DMPK: variants seen among roughly 807,000 people sequenced by gnomAD.
The protein encoded by DMPK is DM1 protein kinase, also known as myotonin-protein kinase.
In DMPK, 32 loss-of-function variants were observed where a neutral mutation model predicts 70.3. That is an observed-to-expected ratio of 0.46 (90% CI 0.34 to 0.61). DMPK has a LOEUF of 0.61. DMPK is among the 20% of genes least tolerant of loss of function. The pLI, the probability that DMPK is intolerant of heterozygous loss-of-function variation, is 0.01. For synonymous variants in DMPK, 469 were observed against 390.9 expected (o/e 1.20, Z -2.36); for missense variants, 899 against 886.0 (o/e 1.01, Z -0.19).
chr19:45,774,262 CTTTT>C (rs34551308), intron 9 of DMPK, among the ~76,000 whole-genome samples: 1 of 122,094 alleles, frequency 8.2e-6, no homozygotes, highest in African/African-American at 3.2e-5. Flanking sequence ...TAAATAAATA[CTTTT>C]TTTTTTTTTT....
intron 1 of DMPK, among the ~76,000 whole-genome samples, chr19:45,781,631 G>A (rs757304220): frequency 3.9e-5 from 6 of 152,220 alleles, no homozygotes; most frequent in Non-Finnish European, 7.4e-5. Context: ...GGCACTGGTG[G>A]CGCCTGTCTG....
In DMPK at chr19:45,775,916, G is replaced by A. The variant is rs1450504637; in HGVS notation, c.1147-882C>T. On this transcript the variant is annotated intron_variant, in intron 8 of 14. Transcript: ENST00000291270. ...GCTCACTGCAAACTCTGCCTCCCAGGTTCAAGCAATTCTCCTGCCTCAGCT... is the reference window on the plus strand; with the variant it reads ...GCTCACTGCAAACTCTGCCTCCCAGATTCAAGCAATTCTCCTGCCTCAGCT... Among the ~76,000 whole-genome samples, 2 of 98,480 alleles carry A rather than the reference G, an allele frequency of 2.0e-5. 1 individual carries two copies. The highest frequency in any genetic ancestry group is 4.3e-5 in the Non-Finnish European group (2 of 46,898). 64.6% of individuals were successfully genotyped at this position (98,480 alleles called of 152,430 possible).
intron 8 of DMPK, 60 bp from the exon 9 acceptor site, chr19:45,775,094 G>T: frequency 7.3e-7 from 1 of 1,377,446 alleles, no homozygotes; most frequent in Non-Finnish European, 1.0e-6. Context: ...ACTGCTTTTT[G>T]ATCTTGGCTT....
Position 45,778,180 on chromosome 19 carries a change from G to A in DMPK, c.622C>T (p.His208Tyr), listed in dbSNP as rs745842483. The A allele has an allele frequency of 3.7e-6, 6 of 1,613,714 alleles. No individual in the cohort carries two copies. Among genetic ancestry groups the A allele is most frequent in the Non-Finnish European group, 8.5e-7 (1 of 1,179,950 alleles). The change falls in exon 6 of 15, where the codon CAC (histidine) becomes TAC (tyrosine). Residue 208 changes from histidine to tyrosine, a missense_variant. By Grantham distance (83) the His-to-Tyr change is moderately conservative. This residue lies in a region of DMPK where 195 missense variants were observed against 259.7 expected (regional missense o/e 0.75). Transcript: ENST00000291270. ...GAGCCGAAGTCGGCCAGGCGGATGT[G>A]GCCACAGCGGTCCAGCAGGATGTTG... ...PDNILLDRCGHIRLADFGSCL... is the reference protein window; with the variant it reads ...PDNILLDRCGYIRLADFGSCL...
At chr19:45,771,466 G>A in intron 12 of DMPK, 70 bp from the exon 13 acceptor site, 2 of 1,609,916 alleles carry the variant, frequency 1.2e-6, no homozygotes, top group East Asian at 2.2e-5. Flanking sequence ...GCGTGCCCCA[G>A]CGTGGGTCCC....
rs993492384 is a variant in DMPK at position 45,782,421 on chromosome 19, C to A, written c.-69G>T. On this transcript the variant is annotated 5_prime_UTR_variant, in exon 1 of 15. Transcript: ENST00000291270. Reference sequence around the variant, plus strand: ...GGGGTCCTCCTGTCACAGGGCCTGGCAGCCCCTGTCCAGGCCCTGGAGCCC... The same window carrying A: ...GGGGTCCTCCTGTCACAGGGCCTGGAAGCCCCTGTCCAGGCCCTGGAGCCC... 1.4e-6 allele frequency: 2 copies of A among 1,448,596 alleles called. No individual in the cohort carries two copies. Among genetic ancestry groups the A allele is most frequent in the South Asian group, 1.4e-5 (1 of 72,330 alleles). The allele number at this position is 1,448,596 out of a possible 1,614,324, so 89.7% of individuals were successfully genotyped here.
In DMPK at chr19:45,770,605, C is replaced by T. The variant is rs1400955158; in HGVS notation, c.1773G>A (p.Leu591=). The part of the protein sequence containing the change: ...PRPGLSEALS[L]LLFAVVLSRA... Reference sequence around the variant, plus strand: ...GAGACAGAACAACGGCGAACAGGAGCAGGGAAAGCGCCTCCGATAGGCCAG... The same window carrying T: ...GAGACAGAACAACGGCGAACAGGAGTAGGGAAAGCGCCTCCGATAGGCCAG... Residue 591 remains leucine (L), a synonymous_variant, in exon 15 of 15, where the codon CTG becomes CTA. Coordinates refer to ENST00000291270, the MANE Select transcript of DMPK (RefSeq NM_004409.5). The T allele has an allele frequency of 5.2e-6, 8 of 1,552,860 alleles. No homozygotes were observed. Among genetic ancestry groups the T allele is most frequent in the Non-Finnish European group, 6.1e-6 (7 of 1,148,354 alleles).
Position 45,776,051 on chromosome 19 carries a change from T to C in DMPK, c.1147-1017A>G, listed in dbSNP as rs1393826609. ...TTGGCCAGCCTAGTCTCAAAACTCCTGATCTCATGACCCACCGGCCTTGGA... is the reference window on the plus strand; with the variant it reads ...TTGGCCAGCCTAGTCTCAAAACTCCCGATCTCATGACCCACCGGCCTTGGA... On this transcript the variant is annotated intron_variant, in intron 8 of 14. Coordinates refer to ENST00000291270, the MANE Select transcript of DMPK (RefSeq NM_004409.5). Among the ~76,000 whole-genome samples, 2 of 107,916 alleles carry C rather than the reference T, an allele frequency of 1.9e-5. 1 individual carries two copies. Among genetic ancestry groups the C allele is most frequent in the Non-Finnish European group, 4.0e-5 (2 of 50,370 alleles). 70.8% of individuals were successfully genotyped at this position (107,916 alleles called of 152,430 possible). A position where few individuals can be genotyped will look rare whatever the true frequency, so the allele number is the denominator to read the frequency against.
chr19:45,782,109 C>CA, intron 1 of DMPK, 84 bp downstream of exon 1: 2 of 878,260 alleles, frequency 2.3e-6, no homozygotes, highest in South Asian at 4.1e-5. Flanking sequence ...ATCCTGCCCC[C>CA]CCAACAGCCA....
intron 8 of DMPK, among the ~76,000 whole-genome samples, chr19:45,776,431 C>T (rs1463343129): frequency 1.3e-5 from 2 of 151,868 alleles, no homozygotes; most frequent in Non-Finnish European, 2.9e-5. Context: ...GCGTGAGCCA[C>T]CACGCCCGGC....
Position 45,782,178 on chromosome 19 carries a change from A to G in DMPK, c.160+15T>C. On this transcript the variant is annotated intron_variant, in intron 1 of 14. Coordinates refer to ENST00000291270, the MANE Select transcript of DMPK (RefSeq NM_004409.5). ...CCCCACCCCATCTGCAGGAGCCCCG[A>G]GGGTAGGCACTCACCCCACTGCAAG... 2 of 902,788 alleles carry G rather than the reference A, an allele frequency of 2.2e-6. No homozygotes were observed. Among genetic ancestry groups the G allele is most frequent in the Non-Finnish European group, 2.8e-6 (2 of 707,874 alleles). 55.9% of individuals were successfully genotyped at this position (902,788 alleles called of 1,614,324 possible). A position where few individuals can be genotyped will look rare whatever the true frequency, so the allele number is the denominator to read the frequency against.
At position 45,770,566 on chromosome 19, in the gene DMPK, C is replaced by G; in HGVS notation, c.1812G>C (p.Leu604=). The G allele has an allele frequency of 6.4e-7, 1 of 1,551,454 alleles. No individual in the cohort carries two copies. The highest frequency in any genetic ancestry group is 8.7e-7 in the Non-Finnish European group (1 of 1,147,288). Residue 604 remains leucine, a synonymous_variant, in exon 15 of 15, where the codon CTG becomes CTC. Transcript: ENST00000291270. ...FAVVLSRAAA[L]GCIGLVAHAG... ...CGTGGGCCACCAACCCAATGCAGCC[C>G]AGGGCGGCGGCACGAGACAGAACAA...
At chr19:45,780,341 G>C (rs1315299973) in intron 1 of DMPK, 2 of 1,538,456 alleles carry the variant, frequency 1.3e-6, no homozygotes, top group Non-Finnish European at 8.8e-7. Flanking sequence ...TCAGATGCAG[G>C]TGGTTCTTGA....
intron 1 of DMPK, chr19:45,780,663 A>G: frequency 1.1e-6 from 1 of 933,600 alleles, no homozygotes; most frequent in Non-Finnish European, 1.3e-6. Flanking sequence ...TGGAGGCAGG[A>G]TGGAGAGAGG....
rs961998295 is a variant in DMPK, at chr19:45,782,284, C to A, written c.69G>T (p.Glu23Asp). 1 of 1,602,238 alleles carries A rather than the reference C, an allele frequency of 6.2e-7. No individual in the cohort carries two copies. ...CGCCCAGGAGAAGGTCGAGCAGGGGCTCCAGCCCCAGGAAGCCCGGGTCCA... is the reference window on the plus strand; with the variant it reads ...CGCCCAGGAGAAGGTCGAGCAGGGGATCCAGCCCCAGGAAGCCCGGGTCCA... Reference protein sequence around the residue: ...LVLDPGFLGLEPLLDLLLGVH... With the variant: ...LVLDPGFLGLDPLLDLLLGVH... The change falls in exon 1 of 15, where the codon GAG (glutamate) becomes GAT (aspartate). Residue 23 changes from glutamate to aspartate, a missense_variant. Coordinates refer to ENST00000291270, the MANE Select transcript of DMPK (RefSeq NM_004409.5).
rs909394436 is a variant in DMPK at position 45,777,217 on chromosome 19, T to C, written c.1146+110A>G. The C allele has an allele frequency of 7.8e-6, 11 of 1,405,160 alleles. No individual in the cohort carries two copies. Among genetic ancestry groups the C allele is most frequent in the Non-Finnish European group, 1.0e-5 (11 of 1,068,420 alleles). The allele number at this position is 1,405,160 out of a possible 1,614,324, so 87.0% of individuals were successfully genotyped here. On this transcript the variant is annotated intron_variant, in intron 8 of 14. Coordinates refer to ENST00000291270, the MANE Select transcript of DMPK (RefSeq NM_004409.5). The surrounding 1 kb of genome is among the most constrained non-coding windows in gnomAD (Gnocchi z 6.7). The stretch of plus-strand genomic sequence containing the variant: ...GTAGATGGGCACAGAGCAGGTGCTC[T>C]GGGGAATGAGTGATTCAGGACCCCA...
Position 45,770,632 on chromosome 19 carries a change from C to A in DMPK, c.1746G>T (p.Arg582Ser), listed in dbSNP as rs1250841578. The A allele has an allele frequency of 4.5e-6, 7 of 1,551,882 alleles. No homozygotes were observed. The highest frequency in any genetic ancestry group is 3.3e-4 in the Middle Eastern group (2 of 5,992). Reference sequence around the variant, plus strand: ...GGGAAAGCGCCTCCGATAGGCCAGGCCTAGGGACCTGCGGGGAGAGGGCGA... The same window carrying A: ...GGGAAAGCGCCTCCGATAGGCCAGGACTAGGGACCTGCGGGGAGAGGGCGA... ...RHLLLPARVP[R>S]PGLSEALSLL... is the part of the protein sequence containing the mutation. Residue 582 changes from arginine (R) to serine (S), a missense_variant, in exon 15 of 15, where the codon AGG becomes AGT. Coordinates refer to ENST00000291270, the MANE Select transcript of DMPK (RefSeq NM_004409.5).
At chr19:45,771,194 A>G (rs758623460) in intron 13 of DMPK, 134 bp from the exon 14 acceptor site, 15 of 1,207,084 alleles carry the variant, frequency 1.2e-5, no homozygotes, top group Non-Finnish European at 1.6e-5. Flanking sequence ...TGAGGCCTGA[A>G]CGGAGGGAGA....
intron 1 of DMPK, among the ~76,000 whole-genome samples, chr19:45,781,452 G>A: frequency 6.6e-6 from 1 of 151,794 alleles, no homozygotes; most frequent in East Asian, 1.9e-4. Context: ...CCTGGGCCAG[G>A]AGAACTAAAG....
Sources: gnomAD v4.1 joint callset for allele counts (sites outside exome capture counted in the v4.1 genomes callset) on GRCh38, gnomAD v4.1.1 for gene constraint, gnomAD v4.1.1 regional missense constraint, Gnocchi (gnomAD v3.1) non-coding constraint, MANE v1.5 for transcripts, NCBI Gene and HGNC (gene_info 2026-07-23, HGNC 2026-07-21) for gene names.